HMGB1: variants seen among roughly 807,000 people sequenced by gnomAD.
HMGB1 encodes high mobility group protein B1.
For missense variants in HMGB1, 79 were observed against 253.5 expected (o/e 0.31, Z 4.67); for synonymous variants, 81 against 84.0 (o/e 0.96, Z 0.19).
intron 1 of HMGB1, among the ~76,000 whole-genome samples, chr13:30,599,940 T>C (rs1442945079): frequency 1.3e-5 from 2 of 152,256 alleles, no homozygotes; most frequent in Non-Finnish European, 2.9e-5. Context: ...TGTGCTCATC[T>C]AAATGTCATA....
rs114076117 is a variant in HMGB1 at position 30,533,368 on chromosome 13, T to C, written c.-14-69674A>G. Among the ~76,000 whole-genome samples the C allele has an allele frequency of 7.3e-3, 1,107 of 152,304 alleles. 13 individuals are homozygous for C. Among genetic ancestry groups the C allele is most frequent in the African/African-American group, 0.021 (887 of 41,554 alleles). On this transcript the variant is annotated intron_variant, in intron 1 of 4. Transcript: ENST00000405805. ...CTATATCAGTGTCTTTCAAACTTTG[T>C]TTTTTGTTGTTTTTGAGACAGAGTC...
At chr13:30,487,837 C>T (rs1887397357) in intron 1 of HMGB1, among the ~76,000 whole-genome samples, 1 of 152,086 alleles carries the variant, frequency 6.6e-6, no homozygotes, top group African/African-American at 2.4e-5. Flanking sequence ...GACATTTTGC[C>T]AAATTTAGAA....
At chr13:30,540,071 C>T (rs1031198030) in intron 1 of HMGB1, 1 of 153,872 alleles carries the variant, frequency 6.5e-6, no homozygotes, top group African/African-American at 2.4e-5. Context: ...TCTGTTTCAC[C>T]CAGACCATCC....
At chr13:30,485,635 T>C (rs1434975626) in intron 1 of HMGB1, among the ~76,000 whole-genome samples, 1 of 152,208 alleles carries the variant, frequency 6.6e-6, no homozygotes, top group Non-Finnish European at 1.5e-5. Flanking sequence ...ACAGCAGATC[T>C]GCAATCACTA....
Position 30,601,516 on chromosome 13 carries a change from C to T in HMGB1, c.-15+15155G>A, listed in dbSNP as rs540883605. ...ATCCCAGCACTTTGGGAGGCCGAGGCGGGCGGATCACGAGGTCAAGAGATC... is the reference window on the plus strand; with the variant it reads ...ATCCCAGCACTTTGGGAGGCCGAGGTGGGCGGATCACGAGGTCAAGAGATC... On this transcript the variant is annotated intron_variant, in intron 1 of 4. Coordinates refer to the HMGB1 transcript ENST00000405805. 7.3e-5 allele frequency among the ~76,000 whole-genome samples: 7 copies of T among 96,222 alleles called. 1 individual carries two copies. Among genetic ancestry groups the T allele is most frequent in the East Asian group, 6.1e-4 (3 of 4,904 alleles). 63.1% of individuals were successfully genotyped at this position (96,222 alleles called of 152,430 possible). A position where few individuals can be genotyped will look rare whatever the true frequency, so the allele number is the denominator to read the frequency against.
intron 1 of HMGB1, among the ~76,000 whole-genome samples, chr13:30,481,248 G>T (rs769236024): frequency 1.4e-5 from 2 of 143,682 alleles, no homozygotes; most frequent in Non-Finnish European, 3.0e-5. Flanking sequence ...TTTTCAGAGG[G>T]ATTTTTTGAT....
intron 1 of HMGB1, among the ~76,000 whole-genome samples, chr13:30,483,641 G>T (rs1458066497): frequency 4.4e-5 from 6 of 136,032 alleles, no homozygotes; most frequent in East Asian, 4.9e-4. Flanking sequence ...TTGAGTCAGG[G>T]TCTCCCTTTG....
chr13:30,611,532 C>T (rs539390864), intron 1 of HMGB1, among the ~76,000 whole-genome samples: 1 of 152,272 alleles, frequency 6.6e-6, no homozygotes, highest in South Asian at 2.1e-4. Context: ...TCTTTGAAGA[C>T]TGAAGTAAAA....
chr13:30,550,101 G>A (rs868623304), intron 1 of HMGB1, among the ~76,000 whole-genome samples: 3 of 148,844 alleles, frequency 2.0e-5, no homozygotes, highest in African/African-American at 7.8e-5. Context: ...TGGAATATGT[G>A]TATGTGTGTG....
chr13:30,482,970 G>A (rs527862521), intron 1 of HMGB1, among the ~76,000 whole-genome samples: 4 of 138,820 alleles, frequency 2.9e-5, no homozygotes, highest in African/African-American at 5.5e-5. Context: ...TTTTTTTTCC[G>A]TAGAGACAGG....
intron 1 of HMGB1, among the ~76,000 whole-genome samples, chr13:30,574,065 G>T (rs1475687654): frequency 2.6e-5 from 4 of 152,158 alleles, no homozygotes; most frequent in African/African-American, 9.7e-5. Flanking sequence ...AGGGGAAAAT[G>T]ATGAATAAAT....
At chr13:30,465,251 GGCCCCCGCGCC>G (rs1162124739) in intron 1 of HMGB1, 1 of 180,166 alleles carries the variant, frequency 5.6e-6, no homozygotes, top group East Asian at 2.6e-4. Flanking sequence ...GCCGCCCCCA[GGCCCCCGCGCC>G]GCCCTCGCCC....
At chr13:30,500,984 A>G (rs1887721706) in intron 1 of HMGB1, among the ~76,000 whole-genome samples, 1 of 38,486 alleles carries the variant, frequency 2.6e-5, no homozygotes, top group Non-Finnish European at 4.6e-4. Context: ...ACACCTGGCT[A>G]ATTTTTTAAA....
intron 1 of HMGB1, among the ~76,000 whole-genome samples, chr13:30,516,889 C>A (rs1888113896): frequency 6.6e-6 from 1 of 152,042 alleles, no homozygotes; most frequent in Non-Finnish European, 1.5e-5. Context: ...TGCCCTCCAG[C>A]CTGGGTGACA....
Position 30,484,723 on chromosome 13 carries a change from G to C in HMGB1, c.-14-21029C>G, listed in dbSNP as rs139297802. 5.0e-3 allele frequency among the ~76,000 whole-genome samples: 763 copies of C among 151,720 alleles called. 8 individuals are homozygous for C. Among genetic ancestry groups the C allele is most frequent in the African/African-American group, 0.018 (730 of 41,344 alleles). ...TGTCTCAAAAAAAGAAAGAGAGAAA[G>C]AGAGAGAGAGAAAAGAAGGAGGAGG... On this transcript the variant is annotated intron_variant, in intron 1 of 4. Transcript: ENST00000405805.
intron 1 of HMGB1, among the ~76,000 whole-genome samples, chr13:30,609,330 G>T (rs967963746): frequency 1.2e-4 from 19 of 152,072 alleles, no homozygotes; most frequent in African/African-American, 4.1e-4. Context: ...AAAATCTGAG[G>T]GAGAAAAAAA....
chr13:30,500,067 G>A (rs970760022), intron 1 of HMGB1, among the ~76,000 whole-genome samples: 1 of 152,180 alleles, frequency 6.6e-6, no homozygotes, highest in African/African-American at 2.4e-5. Context: ...GTGAGTTCTC[G>A]AGGGAGTGAA....
rs1885996374 is a variant in HMGB1 at position 30,456,751 on chromosome 13, T to C, written c.*4606A>G. On this transcript the variant is annotated 3_prime_UTR_variant, in exon 5 of 5. Coordinates refer to ENST00000341423, the MANE Select transcript of HMGB1 (RefSeq NM_002128.7). ...AATGTTTCACAGCATAAATAACAGC[T>C]TTTGTGGGCGGGGGGGGGGGGTGGT... is the stretch of plus-strand genomic sequence containing the variant. The C allele has an allele frequency of 7.3e-5, 1 of 13,674 alleles. No homozygotes were observed. Among genetic ancestry groups the C allele is most frequent in the African/African-American group, 2.7e-4 (1 of 3,752 alleles). The allele number at this position is 13,674 out of a possible 1,614,324, so 0.8% of individuals were successfully genotyped here.
chr13:30,548,518 C>T (rs769661858), intron 1 of HMGB1, among the ~76,000 whole-genome samples: 13 of 152,180 alleles, frequency 8.5e-5, no homozygotes, highest in Non-Finnish European at 1.9e-4. Context: ...ATTTCATTAG[C>T]GAACAGTGTC....
Sources: allele counts gnomAD v4.1 joint callset (sites outside exome capture counted in the v4.1 genomes callset), GRCh38; gene constraint gnomAD v4.1.1; transcripts MANE v1.5; gene names NCBI Gene and HGNC (gene_info 2026-07-23, HGNC 2026-07-21).